Variants in ILRUN observed in about 807,000 individuals in gnomAD.
ILRUN encodes the protein protein ILRUN.
ILRUN carries 3 observed loss-of-function variants against 33.8 expected under a neutral mutation model. That is an observed-to-expected ratio of 0.09 (90% CI 0.04 to 0.23). The LOEUF (loss-of-function observed/expected upper bound fraction) is 0.23, where lower values mean the gene tolerates loss of function less well. Among genes scored for constraint, ILRUN ranks in the 10% least tolerant of loss-of-function variants. The pLI is 1.00. For synonymous variants in ILRUN, 124 were observed against 138.9 expected (o/e 0.89, Z 0.75); for missense variants, 210 against 375.1 (o/e 0.56, Z 3.64).
Position 34,653,148 on chromosome 6 carries a change from AAAAGAAAAAG to A in ILRUN, c.313+1467_313+1476del, listed in dbSNP as rs1762703002. Among the ~76,000 whole-genome samples the A allele has an allele frequency of 2.1e-5, 3 of 145,094 alleles. No individual in the cohort carries two copies. The South Asian group carries it at 6.4e-4, about 31-fold the overall frequency. On this transcript the variant is annotated intron_variant, in intron 2 of 4. Coordinates refer to ENST00000374023, the MANE Select transcript of ILRUN (RefSeq NM_024294.4). ...ACCTTGTCTCAAAAAAAAAAAAAAA[AAAAGAAAAAG>A]AAAGAAAGAAAGAAAAAAAATTTAG...
At position 34,632,677 on chromosome 6, in the gene ILRUN, G is replaced by A. The variant is rs550927861; in HGVS notation, c.511+13924C>T. 6.6e-5 allele frequency among the ~76,000 whole-genome samples: 8 copies of A among 121,170 alleles called. No homozygotes were observed. In the East Asian group the frequency reaches 9.9e-4, roughly 15 times the overall value. 79.5% of individuals were successfully genotyped at this position (121,170 alleles called of 152,430 possible). A position where few individuals can be genotyped will look rare whatever the true frequency, so the allele number is the denominator to read the frequency against. On this transcript the variant is annotated intron_variant, in intron 3 of 4. Transcript: ENST00000374023. ...ACTACAGGCACCAACTAACACACCCGGCTAATTTTTTTTTTTTTTGTATTT... is the reference window on the plus strand; with the variant it reads ...ACTACAGGCACCAACTAACACACCCAGCTAATTTTTTTTTTTTTTGTATTT...
intron 1 of ILRUN, among the ~76,000 whole-genome samples, chr6:34,679,060 C>T (rs1165954956): frequency 1.3e-5 from 2 of 150,176 alleles, no homozygotes; most frequent in African/African-American, 4.9e-5. Context: ...ACCTTGGCGA[C>T]AATCTGTATA....
intron 1 of ILRUN, among the ~76,000 whole-genome samples, chr6:34,690,533 CCACAAAT>C (rs1763624951): frequency 2.0e-5 from 3 of 151,692 alleles, no homozygotes; most frequent in Non-Finnish European, 4.4e-5. Flanking sequence ...ATATATTTTA[CCACAAAT>C]TCTTAAAAAG....
intron 1 of ILRUN, among the ~76,000 whole-genome samples, chr6:34,693,274 T>C (rs2127392548): frequency 6.6e-6 from 1 of 152,344 alleles, no homozygotes; most frequent in African/African-American, 2.4e-5. Flanking sequence ...TAAGGTAATG[T>C]GACTTAAAGT....
At chr6:34,678,836 C>CAAAAAA (rs767799882) in intron 1 of ILRUN, among the ~76,000 whole-genome samples, 16 of 47,846 alleles carry the variant, frequency 3.3e-4, no homozygotes, top group African/African-American at 4.2e-4. Flanking sequence ...GACTCCGTCT[C>CAAAAAA]AAAAAAAAAA....
intron 1 of ILRUN, among the ~76,000 whole-genome samples, chr6:34,683,526 ATACATATT>A (rs1562033454): frequency 7.7e-6 from 1 of 129,776 alleles, no homozygotes; most frequent in Non-Finnish European, 1.6e-5. Flanking sequence ...ATATATATAT[ATACATATT>A]GCACAGAATA....
At chr6:34,639,438 G>A (rs977310960) in intron 3 of ILRUN, among the ~76,000 whole-genome samples, 2 of 152,142 alleles carry the variant, frequency 1.3e-5, no homozygotes, top group African/African-American at 2.4e-5. Flanking sequence ...TCTGGAAGGC[G>A]GCTCTCTGTT....
chr6:34,595,271 G>C (rs1204686149), intron 4 of ILRUN, among the ~76,000 whole-genome samples: 1 of 152,208 alleles, frequency 6.6e-6, no homozygotes, highest in Non-Finnish European at 1.5e-5. Context: ...CAATATCTTA[G>C]AGTCCTTTCT....
At chr6:34,696,210 C>T (rs559949984) in intron 1 of ILRUN, 45 of 508,216 alleles carry the variant, frequency 8.9e-5, no homozygotes, top group Admixed American at 2.5e-4. Context: ...GAGCTCGCCC[C>T]CACCATCTCC....
chr6:34,694,893 C>T (rs1287086845), intron 1 of ILRUN, among the ~76,000 whole-genome samples: 1 of 151,334 alleles, frequency 6.6e-6, no homozygotes, highest in African/African-American at 2.4e-5. Context: ...ACTAAAAATA[C>T]AAAAAAAATT....
chr6:34,624,773 T>A (rs1762081504), intron 3 of ILRUN, among the ~76,000 whole-genome samples: 1 of 152,250 alleles, frequency 6.6e-6, no homozygotes, highest in African/African-American at 2.4e-5. Context: ...GATATACGCC[T>A]CATTGGTCTT....
chr6:34,616,640 T>G, intron 3 of ILRUN: 1 of 1,522,942 alleles, frequency 6.6e-7, no homozygotes. Context: ...GAGAAAGAAG[T>G]TTGCCCAAAA....
intron 3 of ILRUN, among the ~76,000 whole-genome samples, chr6:34,609,606 G>A (rs1010054087): frequency 9.2e-5 from 14 of 152,126 alleles, no homozygotes; most frequent in African/African-American, 3.1e-4. Flanking sequence ...GACAGAGTGA[G>A]AGCCTATCTC....
chr6:34,626,345 A>G (rs1244908184), intron 3 of ILRUN, among the ~76,000 whole-genome samples: 1 of 151,716 alleles, frequency 6.6e-6, no homozygotes, highest in African/African-American at 2.4e-5. Flanking sequence ...CTAATTTTTA[A>G]ATTTTTTTGT....
At chr6:34,638,486 G>A (rs1433449138) in intron 3 of ILRUN, among the ~76,000 whole-genome samples, 2 of 152,048 alleles carry the variant, frequency 1.3e-5, no homozygotes, top group African/African-American at 2.4e-5. Context: ...GGCTGAAGTG[G>A]GAGGATCGCT....
intron 3 of ILRUN, among the ~76,000 whole-genome samples, chr6:34,636,036 TGC>T (rs1266444175): frequency 6.6e-6 from 1 of 152,108 alleles, no homozygotes; most frequent in Admixed American, 6.6e-5. Flanking sequence ...GAGGAAGAAT[TGC>T]TTGAGGCCAG....
intron 2 of ILRUN, among the ~76,000 whole-genome samples, chr6:34,653,835 A>G (rs1762717214): frequency 6.6e-6 from 1 of 151,994 alleles, no homozygotes; most frequent in Admixed American, 6.6e-5. Flanking sequence ...TGGGCACAGT[A>G]GTGCACGCCT....
intron 3 of ILRUN, chr6:34,616,984 T>C (rs1362293544): frequency 1.8e-6 from 1 of 549,448 alleles, no homozygotes; most frequent in South Asian, 1.4e-5. Flanking sequence ...TCTACAAGCA[T>C]GGTTATGGCA....
intron 1 of ILRUN, among the ~76,000 whole-genome samples, chr6:34,665,785 C>T (rs1362058579): frequency 2.6e-5 from 4 of 151,996 alleles, no homozygotes; most frequent in Non-Finnish European, 5.9e-5. Flanking sequence ...ACCAACATTC[C>T]ATCCTCTTGT....
Sources: allele counts gnomAD v4.1 joint callset (sites outside exome capture counted in the v4.1 genomes callset), GRCh38; gene constraint gnomAD v4.1.1; transcripts MANE v1.5; gene names NCBI Gene and HGNC (gene_info 2026-07-23, HGNC 2026-07-21).